The following MIER2 variants were observed in gnomAD, a reference collection of about 807,000 sequenced individuals.
The protein encoded by MIER2 is MIER family member 2, also known as mesoderm induction early response protein 2.
A neutral mutation model predicts 67.6 loss-of-function variants in MIER2; 30 were observed. That is an observed-to-expected ratio of 0.44 (90% CI 0.33 to 0.60). The LOEUF is 0.60. Among genes scored for constraint, MIER2 ranks in the 20% least tolerant of loss-of-function variants. The probability of loss-of-function intolerance (pLI) is 0.02; values close to 1 mark genes in which losing one functional copy is unlikely to be tolerated. For missense variants in MIER2, 702 were observed against 745.1 expected (o/e 0.94, Z 0.67); for synonymous variants, 372 against 312.6 (o/e 1.19, Z -2.00).
At position 343,891 on chromosome 19, in the gene MIER2, A is replaced by G. The variant is rs978273574; in HGVS notation, c.9+883T>C. 10 of 985,266 alleles carry G rather than the reference A, an allele frequency of 1.0e-5. No individual in the cohort carries two copies. The African/African-American group carries it at 1.6e-4, about 15-fold the overall frequency. 61.0% of individuals were successfully genotyped at this position (985,266 alleles called of 1,614,324 possible). On this transcript the variant is annotated intron_variant, in intron 1 of 13. Coordinates refer to ENST00000264819, the MANE Select transcript of MIER2 (RefSeq NM_017550.3). ...CTCATCCACCACTCCAAAATCAAAAAAAGCTTCAAAAGCGAAAGTTTCTTC... is the reference window on the plus strand; with the variant it reads ...CTCATCCACCACTCCAAAATCAAAAGAAGCTTCAAAAGCGAAAGTTTCTTC...
chr19:311,282 G>A (rs530620780), intron 10 of MIER2, among the ~76,000 whole-genome samples: 1 of 152,364 alleles, frequency 6.6e-6, no homozygotes, highest in Admixed American at 6.5e-5. Flanking sequence ...AGGCTGGCTT[G>A]GAAGTTACCA....
chr19:324,560 G>A lies in MIER2; in HGVS notation c.655+1075C>T, dbSNP rs796232840. On this transcript the variant is annotated intron_variant, in intron 7 of 13. Coordinates refer to ENST00000264819, the MANE Select transcript of MIER2 (RefSeq NM_017550.3). ...TAAAGACACACACAACCACACAGAC[G>A]ACTCGAATGACACAGACGTCATCAC... 6.5e-5 allele frequency among the ~76,000 whole-genome samples: 8 copies of A among 123,214 alleles called. 1 individual carries two copies. The highest frequency in any genetic ancestry group is 8.7e-5 in the Admixed American group (1 of 11,522). 80.8% of individuals were successfully genotyped at this position (123,214 alleles called of 152,430 possible).
chr19:327,024 A>G lies in MIER2; in HGVS notation c.493+109T>C, dbSNP rs1260665662. 9 of 1,434,866 alleles carry G rather than the reference A, an allele frequency of 6.3e-6. No individual in the cohort carries two copies. In the East Asian group the frequency reaches 2.2e-4, roughly 35 times the overall value. 88.9% of individuals were successfully genotyped at this position (1,434,866 alleles called of 1,614,324 possible). A position where few individuals can be genotyped will look rare whatever the true frequency, so the allele number is the denominator to read the frequency against. On this transcript the variant is annotated intron_variant, in intron 5 of 13. Coordinates refer to ENST00000264819, the MANE Select transcript of MIER2 (RefSeq NM_017550.3). ...CGCTTCCCGCCAGGCAGACGCCCTC[A>G]TCTGTGATGAGTTCTTGGCCTGCAT...
rs11881150 is a variant in MIER2, at chr19:326,887, T to G, written c.493+246A>C. The G allele has an allele frequency of 5.9e-4, 348 of 592,762 alleles. 2 individuals are homozygous for G. The highest frequency in any genetic ancestry group is 5.4e-3 in the African/African-American group (290 of 53,556). The allele number at this position is 592,762 out of a possible 1,614,324, so 36.7% of individuals were successfully genotyped here. A position where few individuals can be genotyped will look rare whatever the true frequency, so the allele number is the denominator to read the frequency against. ...AGGCCGGTTCTGGGAATGCTGTCCC[T>G]GGATCTGCTAGGGGAACCAACATGT... is the stretch of plus-strand genomic sequence containing the variant. On this transcript the variant is annotated intron_variant, in intron 5 of 13. Transcript: ENST00000264819.
intron 1 of MIER2, among the ~76,000 whole-genome samples, chr19:342,266 C>A (rs975326148): frequency 1.2e-4 from 19 of 152,180 alleles, no homozygotes; most frequent in Non-Finnish European, 7.3e-5. Flanking sequence ...CACCTGCCTC[C>A]ACCCACATGG....
chr19:309,044 C>G, intron 10 of MIER2, 119 bp from the exon 11 acceptor site: 1 of 1,413,556 alleles, frequency 7.1e-7, no homozygotes, highest in Middle Eastern at 2.6e-4. Flanking sequence ...GCACCCACCA[C>G]TCTCAGATAA....
rs753733539 is a variant in MIER2 at position 327,815 on chromosome 19, C to A, written c.369+49G>T. Reference sequence around the variant, plus strand: ...CCCTCTGCAGAGAGGCAGCGCCAGGCCCCCCCACCTTCAGCTGTGAGCCAG... The same window carrying A: ...CCCTCTGCAGAGAGGCAGCGCCAGGACCCCCCACCTTCAGCTGTGAGCCAG... On this transcript the variant is annotated intron_variant, in intron 4 of 13. Transcript: ENST00000264819. 3.7e-6 allele frequency: 6 copies of A among 1,600,418 alleles called. No individual in the cohort carries two copies. In the Admixed American group the frequency reaches 7.0e-5, roughly 19 times the overall value.
At chr19:329,892 A>C (rs1389105047) in intron 3 of MIER2, among the ~76,000 whole-genome samples, 1 of 147,922 alleles carries the variant, frequency 6.8e-6, no homozygotes, top group East Asian at 2.0e-4. Flanking sequence ...AAAAAAGAAG[A>C]TGCTGGACAA....
chr19:307,118 C>A lies in MIER2; in HGVS notation c.1616+1G>T. ...GGCTCCGGGCATGGGGTGGCACTCA[C>A]TGTGACAGGGGCTCCGAGTGTAGCC... On this transcript the variant is annotated splice_donor_variant, in intron 13 of 13. Coordinates refer to ENST00000264819, the MANE Select transcript of MIER2 (RefSeq NM_017550.3). LOFTEE classifies it high-confidence loss of function. The A allele has an allele frequency of 6.3e-7, 1 of 1,579,510 alleles. No homozygotes were observed. Among genetic ancestry groups the A allele is most frequent in the Admixed American group, 1.8e-5 (1 of 55,168 alleles).
Position 308,778 on chromosome 19 carries a change from C to A in MIER2, c.1109+23G>T. ...CCGGCGGGGTGGCCGCCTGTCGTTA[C>A]TGCTGGGGAGGGCTGCACGCACGTG... On this transcript the variant is annotated intron_variant, in intron 11 of 13. Coordinates refer to ENST00000264819, the MANE Select transcript of MIER2 (RefSeq NM_017550.3). This position sits in a 1 kb window ranked among gnomAD's most constrained non-coding sequence, Gnocchi z 9.1. The A allele has an allele frequency of 5.0e-6, 8 of 1,596,764 alleles. No individual in the cohort carries two copies. The highest frequency in any genetic ancestry group is 6.0e-6 in the Non-Finnish European group (7 of 1,166,878).
chr19:331,268 G>T (rs1036502358), intron 3 of MIER2, among the ~76,000 whole-genome samples: 1 of 150,470 alleles, frequency 6.6e-6, no homozygotes. Flanking sequence ...TAAGGCACGA[G>T]AATCACTTGA....
chr19:309,121 C>T (rs938106324), intron 10 of MIER2, among the ~76,000 whole-genome samples, 196 bp from the exon 11 acceptor site: 4 of 152,084 alleles, frequency 2.6e-5, no homozygotes, highest in South Asian at 2.1e-4. Context: ...AACAGGGGCT[C>T]GGAGCACTGT....
chr19:326,484 G>C (rs1971756738), intron 6 of MIER2, 23 bp downstream of exon 6: 1 of 1,603,514 alleles, frequency 6.2e-7, no homozygotes, highest in African/African-American at 1.3e-5. Context: ...ATGCCAGGTT[G>C]GGGAGATGGC....
chr19:332,608 G>A (rs1401245109), intron 3 of MIER2, among the ~76,000 whole-genome samples: 1 of 130,008 alleles, frequency 7.7e-6, no homozygotes, highest in African/African-American at 3.0e-5. Context: ...AACAATTTTT[G>A]TATTTTTAGT....
chr19:310,883 T>G (rs193298375), intron 10 of MIER2, among the ~76,000 whole-genome samples: 278 of 152,136 alleles, frequency 1.8e-3, no homozygotes, highest in Non-Finnish European at 3.0e-3. Context: ...TACAGAAACT[T>G]GACAGGGGCT....
rs1971122346 is a variant in MIER2 at position 313,768 on chromosome 19, AAG to A, written c.656-127_656-126del. ...AGGCACTGTCCGTCCTCCCTTTCCC[AAG>A]CCCTGGGCCGCCATCCCTGTGCTCC... On this transcript the variant is annotated intron_variant, in intron 7 of 13. Transcript: ENST00000264819. 1.2e-5 allele frequency: 16 copies of A among 1,356,480 alleles called. 1 individual carries two copies. 84.0% of individuals were successfully genotyped at this position (1,356,480 alleles called of 1,614,324 possible).
intron 7 of MIER2, among the ~76,000 whole-genome samples, chr19:324,877 G>C (rs1223383804): frequency 6.6e-6 from 1 of 152,206 alleles, no homozygotes; most frequent in African/African-American, 2.4e-5. Flanking sequence ...CTGCCTTCTG[G>C]ATGTCCCAGC....
At chr19:312,085 G>A in intron 9 of MIER2, 106 bp downstream of exon 9, 1 of 1,305,600 alleles carries the variant, frequency 7.7e-7, no homozygotes. Flanking sequence ...ACGGTCAGCG[G>A]CGCCCAGGGC....
At chr19:339,564 T>C (rs1568239375) in intron 1 of MIER2, among the ~76,000 whole-genome samples, 1 of 152,182 alleles carries the variant, frequency 6.6e-6, no homozygotes, top group Admixed American at 6.5e-5. Context: ...AGTTAAATAG[T>C]ATTTAACCAT....
Sources: gnomAD v4.1 joint callset for allele counts (sites outside exome capture counted in the v4.1 genomes callset) on GRCh38, gnomAD v4.1.1 for gene constraint, Gnocchi (gnomAD v3.1) non-coding constraint, MANE v1.5 for transcripts, NCBI Gene and HGNC (gene_info 2026-07-23, HGNC 2026-07-21) for gene names.